The following SH3BGRL2 variants were observed in gnomAD, a reference collection of about 807,000 sequenced individuals.
The protein encoded by SH3BGRL2 is SH3 domain binding glutamate rich protein like 2, also known as SH3 domain-binding glutamic acid-rich-like protein 2.
In SH3BGRL2, 21 loss-of-function variants were observed where a neutral mutation model predicts 14.8. That is an observed-to-expected ratio of 1.42 (90% CI 1.01 to 2.05). SH3BGRL2 has a LOEUF of 2.05. Ranked by LOEUF, SH3BGRL2 falls within the 30% of genes most tolerant of loss-of-function variation. The pLI is 0.00. For missense variants in SH3BGRL2, 147 were observed against 130.8 expected (o/e 1.12, Z -0.61); for synonymous variants, 50 against 47.8 (o/e 1.05, Z -0.19).
the SH3BGRL2 span, among the ~76,000 whole-genome samples, chr6:79,617,544 C>T: frequency 3.3e-5 from 5 of 151,960 alleles, no homozygotes; most frequent in African/African-American, 1.2e-4. Context: ...TCAAGTTTTA[C>T]CTGTTGTGTT....
At chr6:79,538,121 A>G in the SH3BGRL2 span, among the ~76,000 whole-genome samples, 2 of 123,646 alleles carry the variant, frequency 1.6e-5, no homozygotes, top group Non-Finnish European at 3.2e-5. Flanking sequence ...CTCTTTTAGA[A>G]ATGGCATTAA....
Position 79,659,349 on chromosome 6 carries a change from T to C in SH3BGRL2, c.46-14265T>C, listed in dbSNP as rs528108156. ...AAGAAGGGATACAGTTTCAGCTTTC[T>C]ACATATGGCTAGCCAGTTTTCCCAG... On this transcript the variant is annotated intron_variant, in intron 1 of 3. Transcript: ENST00000369838. Among the ~76,000 whole-genome samples, 119 of 152,368 alleles carry C rather than the reference T, an allele frequency of 7.8e-4. 1 individual carries two copies. Among genetic ancestry groups the C allele is most frequent in the African/African-American group, 2.8e-3 (117 of 41,588 alleles).
At chr6:79,656,567 T>G (rs934237203) in intron 1 of SH3BGRL2, among the ~76,000 whole-genome samples, 1 of 152,154 alleles carries the variant, frequency 6.6e-6, no homozygotes, top group East Asian at 1.9e-4. Flanking sequence ...TTCCACATCC[T>G]TGGATTCAAC....
chr6:79,590,466 C>T, the SH3BGRL2 span, among the ~76,000 whole-genome samples: 238 of 48,070 alleles, frequency 5.0e-3, 11 homozygotes, highest in African/African-American at 0.02. Context: ...TATATATATG[C>T]GCCATGGAAT....
intron 1 of SH3BGRL2, among the ~76,000 whole-genome samples, chr6:79,666,697 G>C (rs1303426616): frequency 1.3e-5 from 2 of 152,046 alleles, no homozygotes; most frequent in Non-Finnish European, 2.9e-5. Flanking sequence ...GCCCTCCTTT[G>C]TAAGTTTCGT....
upstream of SH3BGRL2, among the ~76,000 whole-genome samples, chr6:79,626,944 G>A (rs572419156): frequency 4.6e-5 from 7 of 152,264 alleles, no homozygotes; most frequent in Admixed American, 2.6e-4. Context: ...CAAGATAAAG[G>A]AGGGGGATTA....
chr6:79,608,134 G>C, the SH3BGRL2 span, among the ~76,000 whole-genome samples: 12,885 of 152,148 alleles, frequency 0.085, 778 homozygotes, highest in Non-Finnish European at 0.13. Context: ...AACAGGTCTC[G>C]TGAGAACTCA....
the SH3BGRL2 span, among the ~76,000 whole-genome samples, chr6:79,602,830 T>G: frequency 6.6e-6 from 1 of 152,162 alleles, no homozygotes; most frequent in African/African-American, 2.4e-5. Flanking sequence ...CATAGTTTAT[T>G]CAGAGTCATA....
In SH3BGRL2 at chr6:79,659,161, T is replaced by C. The variant is rs536963032; in HGVS notation, c.46-14453T>C. Among the ~76,000 whole-genome samples, 13 of 152,354 alleles carry C rather than the reference T, an allele frequency of 8.5e-5. No individual in the cohort carries two copies. In the South Asian group the frequency reaches 2.5e-3, roughly 29 times the overall value. ...AGTTTAATTAGATCCCATTTGTCAA[T>C]TTTGGCTTTTGTTGCCATTACTTTT... On this transcript the variant is annotated intron_variant, in intron 1 of 3. Coordinates refer to ENST00000369838, the MANE Select transcript of SH3BGRL2 (RefSeq NM_031469.4).
chr6:79,540,460 A>T, the SH3BGRL2 span, among the ~76,000 whole-genome samples: 14 of 148,170 alleles, frequency 9.4e-5, no homozygotes, highest in Middle Eastern at 3.4e-3. Context: ...AATAAATAAA[A>T]TAAATAAATA....
intron 3 of SH3BGRL2, among the ~76,000 whole-genome samples, chr6:79,698,958 A>G (rs1770387496): frequency 1.3e-5 from 2 of 152,182 alleles, no homozygotes; most frequent in Non-Finnish European, 2.9e-5. Context: ...GGTAATATCC[A>G]AAGTAGGTAA....
At chr6:79,590,053 G>A in the SH3BGRL2 span, among the ~76,000 whole-genome samples, 3 of 152,090 alleles carry the variant, frequency 2.0e-5, no homozygotes, top group African/African-American at 4.8e-5. Flanking sequence ...GATTATAGGC[G>A]TGAGCCACCT....
chr6:79,630,863 C>G (rs1335519664), upstream of SH3BGRL2, among the ~76,000 whole-genome samples: 1 of 152,148 alleles, frequency 6.6e-6, no homozygotes, highest in Non-Finnish European at 1.5e-5. Flanking sequence ...CCCCACCGCC[C>G]ACACCTCCCA....
At chr6:79,605,279 A>G in the SH3BGRL2 span, among the ~76,000 whole-genome samples, 1 of 152,214 alleles carries the variant, frequency 6.6e-6, no homozygotes, top group Non-Finnish European at 1.5e-5. Flanking sequence ...CCTGCAGCCC[A>G]TCTGCTCTAG....
the SH3BGRL2 span, among the ~76,000 whole-genome samples, chr6:79,610,053 C>T: frequency 6.6e-6 from 1 of 152,192 alleles, no homozygotes; most frequent in African/African-American, 2.4e-5. Flanking sequence ...CTTTTCCACA[C>T]ACTGAGTTTA....
the SH3BGRL2 span, chr6:79,575,546 T>C: frequency 1.3e-5 from 2 of 152,180 alleles, no homozygotes; most frequent in South Asian, 2.1e-4. Context: ...TGGTTTATGC[T>C]TGTGCCCCTG....
At chr6:79,689,364 C>G (rs1480542936) in intron 2 of SH3BGRL2, among the ~76,000 whole-genome samples, 1 of 152,008 alleles carries the variant, frequency 6.6e-6, no homozygotes, top group Non-Finnish European at 1.5e-5. Context: ...GAGAGAAATA[C>G]AGCTTAAGAG....
At chr6:79,590,263 C>G in the SH3BGRL2 span, among the ~76,000 whole-genome samples, 1 of 151,620 alleles carries the variant, frequency 6.6e-6, no homozygotes, top group Non-Finnish European at 1.5e-5. Context: ...AACTACCATT[C>G]AACTCAGCAA....
At chr6:79,551,787 A>G in the SH3BGRL2 span, among the ~76,000 whole-genome samples, 160 of 152,290 alleles carry the variant, frequency 1.1e-3, no homozygotes, top group African/African-American at 3.7e-3. Flanking sequence ...ATTAAGCCCT[A>G]TATGTAAAAA....
Sources: gnomAD v4.1 joint callset for allele counts (sites outside exome capture counted in the v4.1 genomes callset) on GRCh38, gnomAD v4.1.1 for gene constraint, MANE v1.5 for transcripts, NCBI Gene and HGNC (gene_info 2026-07-23, HGNC 2026-07-21) for gene names.